EYS: variants seen among roughly 807,000 people sequenced by gnomAD.
EYS encodes EGF-like photoreceptor maintenance factor, also known as protein eyes shut homolog.
Under a neutral mutation model 282.1 loss-of-function variants are expected in EYS, and 250 were observed. That is an observed-to-expected ratio of 0.89 (90% CI 0.80 to 0.98). The LOEUF is 0.98. EYS is among the 50% of genes least tolerant of loss of function. The probability of loss-of-function intolerance (pLI) is 0.00; values close to 1 mark genes in which losing one functional copy is unlikely to be tolerated. For missense variants in EYS, 4,016 were observed against 3,709.0 expected (o/e 1.08, Z -2.15); for synonymous variants, 1,355 against 1,282.9 (o/e 1.06, Z -1.20).
chr6:64,862,161 G>A (rs542950215), intron 19 of EYS, among the ~76,000 whole-genome samples: 1 of 152,288 alleles, frequency 6.6e-6, no homozygotes, highest in East Asian at 1.9e-4. Context: ...TGTGAAGTCA[G>A]GTGCAATGCC....
chr6:64,722,998 A>C (rs1299619775), intron 22 of EYS, among the ~76,000 whole-genome samples: 1 of 152,008 alleles, frequency 6.6e-6, no homozygotes, highest in Non-Finnish European at 1.5e-5. Context: ...GTATATCTGT[A>C]GCAGCAACCC....
intron 33 of EYS, among the ~76,000 whole-genome samples, chr6:64,054,428 T>C (rs575913380): frequency 6.6e-6 from 1 of 152,212 alleles, no homozygotes; most frequent in South Asian, 2.1e-4. Context: ...CAGTAGAGAT[T>C]ATGGCTTCAA....
intron 22 of EYS, among the ~76,000 whole-genome samples, chr6:64,686,791 G>GTATA (rs1222024843): frequency 3.3e-4 from 7 of 21,432 alleles, no homozygotes; most frequent in Non-Finnish European, 7.4e-4. Context: ...ATATATATGT[G>GTATA]TGTATATATA....
At chr6:64,101,863 G>A (rs1772840185) in intron 31 of EYS, among the ~76,000 whole-genome samples, 2 of 151,768 alleles carry the variant, frequency 1.3e-5, no homozygotes, top group African/African-American at 4.8e-5. Flanking sequence ...GCAACTAGAT[G>A]GTCCCATCTG....
intron 13 of EYS, among the ~76,000 whole-genome samples, chr6:65,029,022 T>C (rs1772515222): frequency 1.3e-5 from 2 of 152,190 alleles, no homozygotes; most frequent in South Asian, 4.1e-4. Context: ...AACTTTATTA[T>C]TTATTTTACT....
At chr6:64,970,796 G>T (rs1333212021) in intron 14 of EYS, among the ~76,000 whole-genome samples, 4 of 152,062 alleles carry the variant, frequency 2.6e-5, no homozygotes, top group Non-Finnish European at 5.9e-5. Context: ...AAGTTAAATT[G>T]CTTGATATGT....
intron 29 of EYS, among the ~76,000 whole-genome samples, chr6:64,307,693 G>A (rs1430304215): frequency 6.6e-6 from 1 of 152,024 alleles, no homozygotes; most frequent in Non-Finnish European, 1.5e-5. Context: ...GACTTTTGGT[G>A]AATGAATAGA....
intron 11 of EYS, among the ~76,000 whole-genome samples, chr6:65,321,874 G>A (rs1337929287): frequency 1.3e-5 from 2 of 152,208 alleles, no homozygotes; most frequent in African/African-American, 4.8e-5. Context: ...GAAAGTTAGT[G>A]AAGGAGAAAA....
At chr6:63,916,127 T>A (rs1210830252) in intron 35 of EYS, among the ~76,000 whole-genome samples, 4 of 152,224 alleles carry the variant, frequency 2.6e-5, no homozygotes, top group Non-Finnish European at 5.9e-5. Flanking sequence ...TGTTGTCTTA[T>A]TTTAAGAAAT....
intron 30 of EYS, among the ~76,000 whole-genome samples, chr6:64,242,922 T>G (rs1209066643): frequency 6.8e-6 from 1 of 146,304 alleles, no homozygotes; most frequent in African/African-American, 2.5e-5. Flanking sequence ...TATTCATATA[T>G]CATACTCATT....
At chr6:65,032,957 G>C (rs1361374756) in intron 13 of EYS, among the ~76,000 whole-genome samples, 2 of 152,160 alleles carry the variant, frequency 1.3e-5, no homozygotes, top group Non-Finnish European at 2.9e-5. Flanking sequence ...AGGTTGCTGA[G>C]GTCTCAGATG....
chr6:64,142,394 G>A (rs1376716159), intron 31 of EYS, among the ~76,000 whole-genome samples: 1 of 151,926 alleles, frequency 6.6e-6, no homozygotes, highest in Non-Finnish European at 1.5e-5. Context: ...AGTGCTACAA[G>A]ACCAGCCCCC....
chr6:65,450,534 T>C (rs1408090418), intron 5 of EYS, among the ~76,000 whole-genome samples: 1 of 152,108 alleles, frequency 6.6e-6, no homozygotes, highest in Non-Finnish European at 1.5e-5. Context: ...GCTGACCCAG[T>C]GATTTATGAA....
chr6:65,400,701 TTCTC>T (rs1230673925), intron 7 of EYS, among the ~76,000 whole-genome samples: 1 of 151,948 alleles, frequency 6.6e-6, no homozygotes, highest in African/African-American at 2.4e-5. Context: ...TTGTTTCAGT[TTCTC>T]TCTCATCTAC....
intron 28 of EYS, among the ~76,000 whole-genome samples, chr6:64,428,840 G>A (rs1465989245): frequency 1.3e-5 from 2 of 152,092 alleles, no homozygotes; most frequent in African/African-American, 4.8e-5. Flanking sequence ...TTTGACTTGT[G>A]TATACTTTGA....
chr6:65,600,278 C>T (rs1210380615), intron 2 of EYS, among the ~76,000 whole-genome samples: 2 of 152,020 alleles, frequency 1.3e-5, no homozygotes, highest in African/African-American at 2.4e-5. Context: ...TCTCCCTGAC[C>T]TGTTGCATTG....
intron 31 of EYS, among the ~76,000 whole-genome samples, chr6:64,144,757 T>C (rs1774454607): frequency 6.6e-6 from 1 of 152,200 alleles, no homozygotes; most frequent in African/African-American, 2.4e-5. Context: ...GCCTAACTTC[T>C]ATTAGGCTGT....
intron 30 of EYS, among the ~76,000 whole-genome samples, chr6:64,284,570 G>A (rs1199985299): frequency 4.6e-5 from 7 of 152,140 alleles, no homozygotes; most frequent in Admixed American, 6.5e-5. Context: ...TGCCCCAGTA[G>A]GGACTCTGTG....
chr6:64,120,675 A>G (rs1185043491), intron 31 of EYS, among the ~76,000 whole-genome samples: 1 of 152,142 alleles, frequency 6.6e-6, no homozygotes, highest in Non-Finnish European at 1.5e-5. Flanking sequence ...CAATGCTACC[A>G]AAGTCCAGTT....
Sources: allele counts gnomAD v4.1 joint callset (sites outside exome capture counted in the v4.1 genomes callset), GRCh38; gene constraint gnomAD v4.1.1; transcripts MANE v1.5; gene names NCBI Gene and HGNC (gene_info 2026-07-23, HGNC 2026-07-21).